PRPF18: variants seen among roughly 807,000 people sequenced by gnomAD.
PRPF18 encodes pre-mRNA-splicing factor 18.
Under a neutral mutation model 46.5 loss-of-function variants are expected in PRPF18, and 38 were observed. The observed-to-expected ratio is 0.82, with a 90% CI of 0.63 to 1.07. PRPF18 has a LOEUF of 1.07. Among genes scored for constraint, PRPF18 ranks in the 50% least tolerant of loss-of-function variants. The probability of loss-of-function intolerance (pLI) is 0.00; values close to 1 mark genes in which losing one functional copy is unlikely to be tolerated. For synonymous variants in PRPF18, 152 were observed against 146.7 expected (o/e 1.04, Z -0.26); for missense variants, 263 against 410.0 (o/e 0.64, Z 3.10).
At chr10:13,635,271 A>C (rs747849526), downstream of PRPF18, among the ~76,000 whole-genome samples, 1 of 152,214 alleles carries the variant, frequency 6.6e-6, no homozygotes, top group African/African-American at 2.4e-5. Flanking sequence ...TATATGTACC[A>C]CATTTTCTTT....
At chr10:13,645,890 G>A in the PRPF18 span, 41,906 of 152,488 alleles carry the variant, frequency 0.27, 6,338 homozygotes, top group East Asian at 0.59. Context: ...GAAACACCTT[G>A]TGCAAAAAAA....
the PRPF18 span, chr10:13,642,422 T>C: frequency 6.6e-6 from 1 of 152,232 alleles, no homozygotes; most frequent in African/African-American, 2.4e-5. Context: ...TAGAGCCTTT[T>C]TGAAATGGTA....
intron 9 of PRPF18, among the ~76,000 whole-genome samples, chr10:13,626,741 G>C (rs1381008552): frequency 6.6e-6 from 1 of 151,892 alleles, no homozygotes; most frequent in African/African-American, 2.4e-5. Flanking sequence ...GTGGAGAGCT[G>C]GAATTAGGAT....
At chr10:13,598,921 GT>G in intron 2 of PRPF18, among the ~76,000 whole-genome samples, 1 of 141,772 alleles carries the variant, frequency 7.1e-6, no homozygotes, top group East Asian at 1.9e-4. Context: ...TGTTTAGTGT[GT>G]TTTTTTGTTT....
At chr10:13,599,536 C>G (rs1048215436) in intron 2 of PRPF18, among the ~76,000 whole-genome samples, 1 of 152,178 alleles carries the variant, frequency 6.6e-6, no homozygotes, top group African/African-American at 2.4e-5. Flanking sequence ...TTTTCTTAAA[C>G]TGAGACTTGA....
intron 9 of PRPF18, among the ~76,000 whole-genome samples, chr10:13,617,430 A>G (rs1007245053): frequency 2.0e-5 from 3 of 152,220 alleles, no homozygotes; most frequent in African/African-American, 7.2e-5. Flanking sequence ...TATGATTTCA[A>G]TCGGACTCCC....
chr10:13,624,557 A>C (rs1372684668), intron 9 of PRPF18, among the ~76,000 whole-genome samples: 3 of 152,210 alleles, frequency 2.0e-5, no homozygotes, highest in African/African-American at 7.2e-5. Flanking sequence ...CTCTAGCAGA[A>C]AATCGGGTTG....
rs1295321847 is a variant in PRPF18, at chr10:13,616,311, A to G, written c.793-87A>G. The G allele has an allele frequency of 1.1e-5, 15 of 1,368,370 alleles. No homozygotes were observed. In the African/African-American group the frequency reaches 1.9e-4, roughly 17 times the overall value. 84.8% of individuals were successfully genotyped at this position (1,368,370 alleles called of 1,614,324 possible). On this transcript the variant is annotated intron_variant, in intron 8 of 9. Coordinates refer to ENST00000378572, the MANE Select transcript of PRPF18 (RefSeq NM_003675.4). ...CCAAAAGGTGGACGAAAATTACATC[A>G]TAAAGGGCTGTGAAATACTTTCAGT...
chr10:13,600,307 C>G lies in PRPF18; in HGVS notation c.208C>G (p.Leu70Val). 1.9e-6 allele frequency: 3 copies of G among 1,612,662 alleles called. No homozygotes were observed. The highest frequency in any genetic ancestry group is 2.5e-6 in the Non-Finnish European group (3 of 1,179,334). ...ATCGAATCCAGTGTTAGAACTTGAA[C>G]TGGCAGAGGAAAAATTACCTATGAC... ...TSSNPVLELE[L>V]AEEKLPMTLS... is the part of the protein sequence containing the mutation. The change falls in exon 3 of 10, where the codon CTG becomes GTG. Residue 70 changes from leucine (L) to valine (V), a missense_variant. Leu to Val is a conservative substitution (Grantham distance 32). This residue lies in a region of PRPF18 where 155 missense variants were observed against 245.1 expected (regional missense o/e 0.63). Coordinates refer to ENST00000378572, the MANE Select transcript of PRPF18 (RefSeq NM_003675.4).
the PRPF18 span, chr10:13,644,236 C>T: frequency 3.9e-5 from 6 of 152,164 alleles, no homozygotes; most frequent in South Asian, 2.1e-4. Context: ...TTTACGCATC[C>T]GAAGAATCCA....
chr10:13,604,117 C>A (rs538963229), intron 3 of PRPF18, among the ~76,000 whole-genome samples: 1 of 152,278 alleles, frequency 6.6e-6, no homozygotes, highest in East Asian at 1.9e-4. Context: ...AGCCAGGGAT[C>A]TGACAAGGGT....
chr10:13,653,213 C>T, the PRPF18 span: 1 of 150,918 alleles, frequency 6.6e-6, no homozygotes, highest in Non-Finnish European at 1.5e-5. Flanking sequence ...AAAAAAATTA[C>T]CACAGATAAA....
At chr10:13,629,428 A>G (rs1306234108) in intron 9 of PRPF18, among the ~76,000 whole-genome samples, 1 of 152,244 alleles carries the variant, frequency 6.6e-6, no homozygotes, top group Non-Finnish European at 1.5e-5. Context: ...AAAGTAAGTA[A>G]TAAAATGAAT....
At chr10:13,594,236 A>T (rs1282269248) in intron 1 of PRPF18, among the ~76,000 whole-genome samples, 7 of 152,258 alleles carry the variant, frequency 4.6e-5, no homozygotes, top group African/African-American at 1.4e-4. Context: ...GAAAACAAAC[A>T]CTTCAGTGAG....
intron 1 of PRPF18, among the ~76,000 whole-genome samples, chr10:13,597,089 A>T (rs1195491048): frequency 6.6e-6 from 1 of 152,172 alleles, no homozygotes; most frequent in African/African-American, 2.4e-5. Context: ...AAAATAATTG[A>T]GGTATACCAT....
chr10:13,614,216 A>G lies in PRPF18; in HGVS notation c.792+130A>G, dbSNP rs117978644. 7.3e-4 allele frequency: 516 copies of G among 709,540 alleles called. 9 individuals carry two copies. The South Asian group carries it at 0.012, about 17-fold the overall frequency. 44.0% of individuals were successfully genotyped at this position (709,540 alleles called of 1,614,324 possible). A position where few individuals can be genotyped will look rare whatever the true frequency, so the allele number is the denominator to read the frequency against. On this transcript the variant is annotated intron_variant, in intron 8 of 9. Coordinates refer to ENST00000378572, the MANE Select transcript of PRPF18 (RefSeq NM_003675.4). ...AATAAATGTGAGATGAGTTAGTAGT[A>G]AAAAGCGTTTTATTTTCTATTGTAT...
chr10:13,654,718 C>T, the PRPF18 span: 3 of 572,044 alleles, frequency 5.2e-6, no homozygotes, highest in Non-Finnish European at 9.3e-6. Flanking sequence ...CCAACCTCTG[C>T]ATCCCACCCA....
chr10:13,630,151 C>T (rs1208243679), intron 9 of PRPF18, 109 bp from the exon 10 acceptor site: 1 of 885,990 alleles, frequency 1.1e-6, no homozygotes, highest in Non-Finnish European at 1.8e-6. Context: ...TTGCTTGGGT[C>T]TGCTGCATTT....
the PRPF18 span, chr10:13,654,152 C>T: frequency 1.1e-5 from 6 of 557,052 alleles, no homozygotes; most frequent in Admixed American, 9.9e-5. Context: ...AGCACAGTCC[C>T]ACTTCGTGCT....
Sources: allele counts gnomAD v4.1 joint callset (sites outside exome capture counted in the v4.1 genomes callset), GRCh38; gene constraint gnomAD v4.1.1; regional missense constraint gnomAD v4.1.1; transcripts MANE v1.5; gene names NCBI Gene and HGNC (gene_info 2026-07-23, HGNC 2026-07-21).